ATXN2: variants seen among roughly 807,000 people sequenced by gnomAD.
The protein encoded by ATXN2 is ataxin 2.
In ATXN2, 37 loss-of-function variants were observed where a neutral mutation model predicts 138.6. The observed-to-expected ratio is 0.27, with a 90% CI of 0.21 to 0.35. The LOEUF (loss-of-function observed/expected upper bound fraction) is 0.35. Ranked by LOEUF, ATXN2 falls within the 10% of genes least tolerant of loss-of-function variation. The probability of loss-of-function intolerance (pLI) is 1.00; values close to 1 mark genes in which losing one functional copy is unlikely to be tolerated. For missense variants in ATXN2, 1,216 were observed against 1,480.3 expected, an observed-to-expected ratio of 0.82 and a Z score of 2.93; for synonymous variants, 549 against 543.7, an observed-to-expected ratio of 1.01 and a Z score of -0.13.
chr12:111,535,528 A>G (rs1010016410), intron 5 of ATXN2, among the ~76,000 whole-genome samples: 1 of 152,114 alleles, frequency 6.6e-6, no homozygotes, highest in African/African-American at 2.4e-5. Flanking sequence ...AGGCTCAGGC[A>G]GGAGAATCAC....
rs1253348804 is a variant in ATXN2, at chr12:111,453,709, G to A, written c.3407C>T (p.Thr1136Ile). ...SALQPIPVSTTAHFPYMTHPS... is the reference protein window; with the variant it reads ...SALQPIPVSTIAHFPYMTHPS... Reference sequence around the variant, plus strand: ...GTGCGTCATATAGGGGAAATGCGCTGTTGTCGAGACTGGAATGGGCTGTAG... The same window carrying A: ...GTGCGTCATATAGGGGAAATGCGCTATTGTCGAGACTGGAATGGGCTGTAG... Residue 1136 changes from threonine (T) to isoleucine (I), a missense_variant, in exon 24 of 25, where the codon ACA (threonine) becomes ATA (isoleucine). By Grantham distance (89) the Thr-to-Ile change is moderately conservative. Transcript: ENST00000673436. This position sits in a 1 kb window ranked among gnomAD's most constrained non-coding sequence, Gnocchi z 5.4. The A allele has an allele frequency of 1.2e-6, 2 of 1,612,838 alleles. No homozygotes were observed. Among genetic ancestry groups the A allele is most frequent in the South Asian group, 1.1e-5 (1 of 90,818 alleles).
rs146752713 is a variant in ATXN2 at position 111,485,844 on chromosome 12, T to G, written c.2326A>C (p.Thr776Pro). The change falls in exon 17 of 25, where the codon ACT becomes CCT. Residue 776 changes from threonine (T) to proline (P), a missense_variant. Coordinates refer to ENST00000673436, the MANE Select transcript of ATXN2 (RefSeq NM_001372574.1). ...FSQPKPSTTPTSPRPQAQPSP... is the reference protein window; with the variant it reads ...FSQPKPSTTPPSPRPQAQPSP... ...GGTTGTGCTTGAGGCCGAGGTGAAG[T>G]TGGGGTAGTAGAAGGCTTTGGCTAC... The G allele has an allele frequency of 6.2e-7, 1 of 1,613,988 alleles. No individual in the cohort carries two copies. The highest frequency in any genetic ancestry group is 2.2e-5 in the East Asian group (1 of 44,872).
chr12:111,483,687 T>C (rs1489994108), intron 18 of ATXN2, among the ~76,000 whole-genome samples: 1 of 151,974 alleles, frequency 6.6e-6, no homozygotes, highest in African/African-American at 2.4e-5. Context: ...AAATGTGGGA[T>C]TTTTTCTACG....
At chr12:111,544,129 CAT>C (rs1235398327) in intron 5 of ATXN2, among the ~76,000 whole-genome samples, 1 of 152,064 alleles carries the variant, frequency 6.6e-6, no homozygotes, top group Admixed American at 6.6e-5. Flanking sequence ...GTAAAATCTA[CAT>C]GTGTGTAAAT....
intron 5 of ATXN2, among the ~76,000 whole-genome samples, chr12:111,527,672 G>A (rs1221189517): frequency 6.6e-6 from 1 of 152,188 alleles, no homozygotes; most frequent in Non-Finnish European, 1.5e-5. Context: ...TGCTGAGGGA[G>A]TTCCCCAGAG....
intron 18 of ATXN2, among the ~76,000 whole-genome samples, chr12:111,472,689 C>T (rs895541518): frequency 6.6e-6 from 1 of 152,176 alleles, no homozygotes; most frequent in Admixed American, 6.5e-5. Flanking sequence ...CTACCTCAGC[C>T]TCCAGAGTAG....
At chr12:111,480,433 A>T (rs1877143288) in intron 18 of ATXN2, among the ~76,000 whole-genome samples, 1 of 152,110 alleles carries the variant, frequency 6.6e-6, no homozygotes, top group Non-Finnish European at 1.5e-5. Flanking sequence ...TCAGCCTCCC[A>T]GGGTGCCAGG....
chr12:111,576,259 C>T (rs1883641932), intron 1 of ATXN2, among the ~76,000 whole-genome samples: 1 of 151,778 alleles, frequency 6.6e-6, no homozygotes, highest in Admixed American at 6.6e-5. Flanking sequence ...GGCTGACCAA[C>T]ATGGTGAAAC....
chr12:111,525,405 A>C (rs1054944336), intron 5 of ATXN2, 89 bp from the exon 6 acceptor site: 1 of 1,290,368 alleles, frequency 7.7e-7, no homozygotes, highest in Admixed American at 2.8e-5. Context: ...ACATATGTTA[A>C]AAAACAATTA....
intron 14 of ATXN2, among the ~76,000 whole-genome samples, chr12:111,506,580 A>T (rs1003986826): frequency 6.6e-6 from 1 of 152,052 alleles, no homozygotes; most frequent in Non-Finnish European, 1.5e-5. Context: ...TGAGGAAAAA[A>T]TTCAAATGGG....
In ATXN2 at chr12:111,598,858, G is replaced by A. The variant is rs1012349651; in HGVS notation, c.177C>T (p.Val59=). The change falls in exon 1 of 25, where the codon GTC becomes GTT. Residue 59 remains valine (V), a synonymous_variant. Coordinates refer to ENST00000673436, the MANE Select transcript of ATXN2 (RefSeq NM_001372574.1). The surrounding 1 kb of genome is among the most constrained non-coding windows in gnomAD (Gnocchi z 4.5). ...AAAPSPSSSS[V]SSSSATAPSS... is the part of the protein sequence containing the mutation. Reference sequence around the variant, plus strand: ...AGGGAGCCGTGGCCGAGGACGAGGAGACCGAGGACGAGGACGGCGAAGGCG... The same window carrying A: ...AGGGAGCCGTGGCCGAGGACGAGGAAACCGAGGACGAGGACGGCGAAGGCG... 2.0e-6 allele frequency: 3 copies of A among 1,488,382 alleles called. No individual in the cohort carries two copies. Among genetic ancestry groups the A allele is most frequent in the African/African-American group, 1.5e-5 (1 of 68,676 alleles). The allele number at this position is 1,488,382 out of a possible 1,614,324, so 92.2% of individuals were successfully genotyped here.
chr12:111,499,272 G>C (rs1878606227), intron 14 of ATXN2, among the ~76,000 whole-genome samples: 2 of 152,116 alleles, frequency 1.3e-5, no homozygotes, highest in Admixed American at 1.3e-4. Context: ...CCCACAGAAT[G>C]GGAGAAAATA....
intron 14 of ATXN2, among the ~76,000 whole-genome samples, chr12:111,505,419 G>A (rs1396842479): frequency 6.6e-6 from 1 of 152,054 alleles, no homozygotes; most frequent in African/African-American, 2.4e-5. Context: ...ACAACCAACA[G>A]AACAGGAGAA....
chr12:111,494,412 C>T (rs990357940), intron 14 of ATXN2, among the ~76,000 whole-genome samples: 8 of 150,858 alleles, frequency 5.3e-5, no homozygotes, highest in African/African-American at 1.9e-4. Flanking sequence ...TATTTGCAAC[C>T]CTTATGTGAT....
chr12:111,531,388 C>T (rs543903877), intron 5 of ATXN2, among the ~76,000 whole-genome samples: 1 of 152,240 alleles, frequency 6.6e-6, no homozygotes, highest in Non-Finnish European at 1.5e-5. Flanking sequence ...GCCAAGATTG[C>T]GCCACTGCAC....
rs912684333 is a variant in ATXN2, at chr12:111,598,063, G to A, written c.251+721C>T. 6 of 1,159,040 alleles carry A rather than the reference G, an allele frequency of 5.2e-6. No individual in the cohort carries two copies. The highest frequency in any genetic ancestry group is 6.5e-6 in the Non-Finnish European group (6 of 924,086). 71.8% of individuals were successfully genotyped at this position (1,159,040 alleles called of 1,614,324 possible). On this transcript the variant is annotated intron_variant, in intron 1 of 24. Coordinates refer to ENST00000673436, the MANE Select transcript of ATXN2 (RefSeq NM_001372574.1). The surrounding 1 kb of genome is among the most constrained non-coding windows in gnomAD (Gnocchi z 4.5). The stretch of plus-strand genomic sequence containing the variant: ...CACCCCTTCCCTTCCCCAGGTGGGG[G>A]AGGGTGGAACGCTGCCGGAGGCCAC...
chr12:111,453,682 G>T lies in ATXN2; in HGVS notation c.3434C>A (p.Pro1145His). 7 of 1,601,868 alleles carry T rather than the reference G, an allele frequency of 4.4e-6. No individual in the cohort carries two copies. Among genetic ancestry groups the T allele is most frequent in the Non-Finnish European group, 6.0e-6 (7 of 1,173,204 alleles). The stretch of plus-strand genomic sequence containing the variant: ...CCTGCACACACACGCCTCACCTGAA[G>T]GGTGCGTCATATAGGGGAAATGCGC... ...TTAHFPYMTHPSVQAHHQQQL is the reference protein window; with the variant it reads ...TTAHFPYMTHHSVQAHHQQQL Residue 1145 changes from proline to histidine, a missense_variant, in exon 24 of 25, where the codon CCT (proline) becomes CAT (histidine). By Grantham distance (77) the Pro-to-His change is moderately conservative. Coordinates refer to ENST00000673436, the MANE Select transcript of ATXN2 (RefSeq NM_001372574.1). This position sits in a 1 kb window ranked among gnomAD's most constrained non-coding sequence, Gnocchi z 5.4.
chr12:111,472,632 A>C (rs1298660209), intron 18 of ATXN2, among the ~76,000 whole-genome samples: 4 of 152,130 alleles, frequency 2.6e-5, no homozygotes, highest in East Asian at 3.9e-4. Context: ...GCAGTGGTGC[A>C]ATCTTGACTC....
chr12:111,487,488 T>C lies in ATXN2; in HGVS notation c.2241-664A>G, dbSNP rs577365101. On this transcript the variant is annotated intron_variant, in intron 15 of 24. Coordinates refer to ENST00000673436, the MANE Select transcript of ATXN2 (RefSeq NM_001372574.1). ...TTATTTATTTATTTTTGAGACAGAG[T>C]CTCGCTCTGTCACCCAGGCTGGAGT... Among the ~76,000 whole-genome samples the C allele has an allele frequency of 1.9e-4, 29 of 151,930 alleles. No homozygotes were observed. The South Asian group carries it at 5.4e-3, about 28-fold the overall frequency.
Sources: allele counts gnomAD v4.1 joint callset (sites outside exome capture counted in the v4.1 genomes callset), GRCh38; gene constraint gnomAD v4.1.1; non-coding constraint Gnocchi (gnomAD v3.1); transcripts MANE v1.5; gene names NCBI Gene and HGNC (gene_info 2026-07-23, HGNC 2026-07-21).